Variants in SMARCA2 observed in about 807,000 individuals in gnomAD.
SMARCA2 encodes SWI/SNF-related matrix-associated actin-dependent regulator of chromatin subfamily A member 2.
Under a neutral mutation model 199.8 loss-of-function variants are expected in SMARCA2, and 61 were observed. That is an observed-to-expected ratio of 0.31 (90% confidence interval 0.25 to 0.38). The LOEUF (loss-of-function observed/expected upper bound fraction) is 0.38, where lower values mean the gene tolerates loss of function less well. Ranked by LOEUF, SMARCA2 falls within the 10% of genes least tolerant of loss-of-function variation. The probability of loss-of-function intolerance (pLI) is 1.00; values close to 1 mark genes in which losing one functional copy is unlikely to be tolerated. For synonymous variants in SMARCA2, 935 were observed against 732.0 expected, an observed-to-expected ratio of 1.28 and a Z score of -4.48; for missense variants, 1,344 against 2,012.2, an observed-to-expected ratio of 0.67 and a Z score of 6.35.
chr9:2,112,507 C>G (rs1823050422), intron 24 of SMARCA2, among the ~76,000 whole-genome samples: 1 of 151,928 alleles, frequency 6.6e-6, no homozygotes, highest in Non-Finnish European at 1.5e-5. Flanking sequence ...TTCTCTCTAG[C>G]TCTGTTAAAA....
At chr9:2,040,509 C>T (rs1366331290) in intron 4 of SMARCA2, 3 of 153,208 alleles carry the variant, frequency 2.0e-5, no homozygotes, top group Non-Finnish European at 4.4e-5. Flanking sequence ...ACAATCAGAG[C>T]CAAAAGGAGA....
chr9:2,045,834 C>CACAG (rs1819816244), intron 4 of SMARCA2: 1 of 142,758 alleles, frequency 7.0e-6, no homozygotes. Context: ...CAGACACACA[C>CACAG]ACACACACAC....
At chr9:2,029,946 AAG>A (rs1818989747) in intron 2 of SMARCA2, among the ~76,000 whole-genome samples, 1 of 152,266 alleles carries the variant, frequency 6.6e-6, no homozygotes, top group Admixed American at 6.5e-5. Context: ...AGATGCAAAG[AAG>A]AGAGACAGCC....
intron 27 of SMARCA2, chr9:2,158,671 C>CT: frequency 3.0e-6 from 1 of 330,752 alleles, no homozygotes; most frequent in Non-Finnish European, 5.4e-6. Context: ...TGTGTGTGAC[C>CT]CCCCAGCCCC....
At chr9:2,138,845 G>A (rs1473043700) in intron 27 of SMARCA2, among the ~76,000 whole-genome samples, 3 of 152,126 alleles carry the variant, frequency 2.0e-5, no homozygotes, top group Non-Finnish European at 4.4e-5. Context: ...GTTTGCCTTG[G>A]CCTGGCTCCA....
chr9:2,032,199 G>A (rs967055947), intron 2 of SMARCA2, among the ~76,000 whole-genome samples: 1 of 152,152 alleles, frequency 6.6e-6, no homozygotes, highest in Non-Finnish European at 1.5e-5. Context: ...TGCTATTACA[G>A]TTTGGGGAGG....
intron 20 of SMARCA2, chr9:2,097,070 TCCCTGGG>T (rs768921618): frequency 8.1e-6 from 4 of 493,434 alleles, no homozygotes; most frequent in African/African-American, 1.9e-5. Context: ...CCAGTTTCAC[TCCCTGGG>T]CATCTGTTCT....
At position 2,086,352 on chromosome 9, in the gene SMARCA2, G is replaced by A. The variant is rs3793487; in HGVS notation, c.2527-477G>A. Among the ~76,000 whole-genome samples the A allele has an allele frequency of 0.12, 17,959 of 152,252 alleles. 1,159 individuals are homozygous for A. The highest frequency in any genetic ancestry group is 0.25 in the East Asian group (1,285 of 5,170). On this transcript the variant is annotated intron_variant, in intron 17 of 33. Transcript: ENST00000349721. This position sits in a 1 kb window ranked among gnomAD's most constrained non-coding sequence, Gnocchi z 4.3. Reference sequence around the variant, plus strand: ...AATAGAAAAGAAGGCATGGAGCCAAGAATATCTCAGCTGTAGAACCTGCTA... The same window carrying A: ...AATAGAAAAGAAGGCATGGAGCCAAAAATATCTCAGCTGTAGAACCTGCTA...
intron 27 of SMARCA2, among the ~76,000 whole-genome samples, chr9:2,144,785 A>G (rs1430714342): frequency 6.6e-6 from 1 of 152,090 alleles, no homozygotes; most frequent in Non-Finnish European, 1.5e-5. Flanking sequence ...GGTCATTAAG[A>G]GACTCACCTG....
chr9:2,189,001 T>C (rs565726354), intron 32 of SMARCA2, among the ~76,000 whole-genome samples: 2 of 152,330 alleles, frequency 1.3e-5, no homozygotes, highest in East Asian at 1.9e-4. Flanking sequence ...TGTGTCTCCA[T>C]GAATCTCTCT....
rs932071173 is a variant in SMARCA2 at position 2,169,551 on chromosome 9, T to C, written c.4200-868T>C. On this transcript the variant is annotated intron_variant, in intron 28 of 33. Transcript: ENST00000349721. This position sits in a 1 kb window ranked among gnomAD's most constrained non-coding sequence, Gnocchi z 6.5. Reference sequence around the variant, plus strand: ...GTTTATGGGTTTATGCTTTTCCCTCTCTGCAACACCCCGACCCCACACTGA... The same window carrying C: ...GTTTATGGGTTTATGCTTTTCCCTCCCTGCAACACCCCGACCCCACACTGA... Among the ~76,000 whole-genome samples, 1 of 152,132 alleles carries C rather than the reference T, an allele frequency of 6.6e-6. No homozygotes were observed. Among genetic ancestry groups the C allele is most frequent in the Non-Finnish European group, 1.5e-5 (1 of 68,024 alleles).
Position 2,169,109 on chromosome 9 carries a change from C to G in SMARCA2, c.4200-1310C>G, listed in dbSNP as rs976911353. 2.0e-5 allele frequency among the ~76,000 whole-genome samples: 3 copies of G among 152,148 alleles called. No homozygotes were observed. The highest frequency in any genetic ancestry group is 7.2e-5 in the African/African-American group (3 of 41,424). ...ACTTTCCCAATTCTGTGCCTTATTG[C>G]TGACACTCAGAGTCCCCTCAACCTG... On this transcript the variant is annotated intron_variant, in intron 28 of 33. Coordinates refer to ENST00000349721, the MANE Select transcript of SMARCA2 (RefSeq NM_003070.5). This position sits in a 1 kb window ranked among gnomAD's most constrained non-coding sequence, Gnocchi z 6.5.
Position 2,056,719 on chromosome 9 carries a change from G to T in SMARCA2, c.1221G>T (p.Glu407Asp), listed in dbSNP as rs1440795082. The change falls in exon 7 of 34, where the codon GAG becomes GAT. Residue 407 changes from glutamate (E) to aspartate (D), a missense_variant. By Grantham distance (45) the Glu-to-Asp change is conservative. Around this residue, in one of 18 missense-constraint regions of SMARCA2, gnomAD observed 155 missense variants for 260.0 expected, o/e 0.60. Transcript: ENST00000349721. The surrounding 1 kb of genome is among the most constrained non-coding windows in gnomAD (Gnocchi z 4.0). ...GCATGCGCAGGGACACGACCCTGGA[G>T]ACGGCTCTCAACTCCAAAGCATACA... Reference protein sequence around the residue: ...VACMRRDTTLETALNSKAYKR... With the variant: ...VACMRRDTTLDTALNSKAYKR... The T allele has an allele frequency of 6.2e-7, 1 of 1,614,090 alleles. No homozygotes were observed. Among genetic ancestry groups the T allele is most frequent in the Non-Finnish European group, 8.5e-7 (1 of 1,180,032 alleles).
Position 2,182,245 on chromosome 9 carries a change from C to G in SMARCA2, c.4461+3C>G, listed in dbSNP as rs1827087118. On this transcript the variant is annotated splice_donor_region_variant and intron_variant, in intron 31 of 33. Transcript: ENST00000349721. ...CGTTCAACCTGGAGGGATCCCAGGT[C>G]TGTCTTGTTAAGTTGTCTAAAAGTT... is the stretch of plus-strand genomic sequence containing the variant. 1 of 1,583,724 alleles carries G rather than the reference C, an allele frequency of 6.3e-7. No homozygotes were observed. The highest frequency in any genetic ancestry group is 1.7e-4 in the Middle Eastern group (1 of 6,000).
Position 2,039,764 on chromosome 9 carries a change from ACAGCAGCAGCAACAGCAGCAGCAGCAG to A in SMARCA2, c.666_692del (p.Gln230_Gln238del), listed in dbSNP as rs779149422. The A allele has an allele frequency of 2.5e-5, 41 of 1,610,416 alleles. No individual in the cohort carries two copies. The highest frequency in any genetic ancestry group is 3.4e-4 in the Middle Eastern group (2 of 5,964). ...GGACGTTGCCTGGCTTGCAGCAACA[ACAGCAGCAGCAACAGCAGCAGCAGCAG>A]CAGCAGCAGCAGCAGCAGCAGCAGC... On this transcript the variant is annotated inframe_deletion, in exon 4 of 34. Transcript: ENST00000349721. This position sits in a 1 kb window ranked among gnomAD's most constrained non-coding sequence, Gnocchi z 4.8.
chr9:2,075,066 G>C (rs922498424), intron 12 of SMARCA2: 5 of 152,332 alleles, frequency 3.3e-5, no homozygotes, highest in African/African-American at 1.2e-4. Context: ...TAGCCAGCAG[G>C]TGCCATCCTG....
At chr9:2,164,156 G>C (rs375816392) in intron 28 of SMARCA2, among the ~76,000 whole-genome samples, 3 of 152,038 alleles carry the variant, frequency 2.0e-5, no homozygotes, top group African/African-American at 7.3e-5. Context: ...TGCTTTTTAC[G>C]CCCGACTCAC....
chr9:2,129,420 A>G (rs933290252), intron 27 of SMARCA2, among the ~76,000 whole-genome samples: 1 of 152,098 alleles, frequency 6.6e-6, no homozygotes, highest in African/African-American at 2.4e-5. Flanking sequence ...TCCATCTCGA[A>G]AAAAGGGGAC....
Position 2,060,981 on chromosome 9 carries a change from A to C in SMARCA2, c.1687A>C (p.Lys563Gln). 1 of 1,613,520 alleles carries C rather than the reference A, an allele frequency of 6.2e-7. No homozygotes were observed. The highest frequency in any genetic ancestry group is 8.5e-7 in the Non-Finnish European group (1 of 1,179,740). ...AKEKKKRRRR[K>Q]KKAEENAEGG... The stretch of plus-strand genomic sequence containing the variant: ...AGAGAAGAAGAAGAGGAGGAGGAGG[A>C]AGAAGGTGCGTATCCTAGTGGTGGT... The change falls in exon 9 of 34, where the codon AAG (lysine) becomes CAG (glutamine). Residue 563 changes from lysine to glutamine, a missense_variant. Physicochemically the swap from Lys to Gln is moderately conservative, Grantham distance 53. This residue lies in a region of SMARCA2 where 68 missense variants were observed against 70.4 expected (regional missense o/e 0.97). Transcript: ENST00000349721.
Sources: allele counts gnomAD v4.1 joint callset (sites outside exome capture counted in the v4.1 genomes callset), GRCh38; gene constraint gnomAD v4.1.1; regional missense constraint gnomAD v4.1.1; non-coding constraint Gnocchi (gnomAD v3.1); transcripts MANE v1.5; gene names NCBI Gene and HGNC (gene_info 2026-07-23, HGNC 2026-07-21).